QKI: variants seen among roughly 807,000 people sequenced by gnomAD.
QKI encodes QKI, KH domain containing RNA binding.
Under a neutral mutation model 39.0 loss-of-function variants are expected in QKI, and 10 were observed. The observed-to-expected ratio is 0.26, with a 90% CI of 0.16 to 0.43. The LOEUF is 0.43. Ranked by LOEUF, QKI falls within the 20% of genes least tolerant of loss-of-function variation. The pLI, the probability that QKI is intolerant of heterozygous loss-of-function variation, is 1.00. For synonymous variants in QKI, 204 were observed against 155.4 expected (o/e 1.31, Z -2.33); for missense variants, 218 against 428.0 (o/e 0.51, Z 4.33).
chr6:163,477,015 G>GTTTT (rs1421278363), intron 2 of QKI, among the ~76,000 whole-genome samples: 5 of 78,710 alleles, frequency 6.4e-5, no homozygotes, highest in Non-Finnish European at 7.0e-5. Context: ...GTTTTGTTTT[G>GTTTT]TTTTGTTTTT....
intron 1 of QKI, among the ~76,000 whole-genome samples, chr6:163,420,167 T>G (rs1787880850): frequency 1.3e-5 from 2 of 150,606 alleles, no homozygotes; most frequent in South Asian, 4.1e-4. Flanking sequence ...TTTTTTTTTT[T>G]TTTTTGGTGG....
chr6:163,437,498 C>G (rs1789404317), intron 1 of QKI, among the ~76,000 whole-genome samples: 1 of 152,106 alleles, frequency 6.6e-6, no homozygotes, highest in Admixed American at 6.5e-5. Flanking sequence ...TAAATCCACA[C>G]CCGAAATGTA....
At chr6:163,459,853 G>A (rs1472263439) in intron 2 of QKI, among the ~76,000 whole-genome samples, 1 of 152,204 alleles carries the variant, frequency 6.6e-6, no homozygotes, top group African/African-American at 2.4e-5. Context: ...AGACATGAAA[G>A]AACATTGAAG....
At chr6:163,519,426 T>C (rs901226506) in intron 3 of QKI, among the ~76,000 whole-genome samples, 6 of 151,552 alleles carry the variant, frequency 4.0e-5, no homozygotes, top group Non-Finnish European at 5.9e-5. Flanking sequence ...AAAGAGTGGG[T>C]GTGATGATAT....
intron 4 of QKI, among the ~76,000 whole-genome samples, chr6:163,545,026 T>G (rs1781781446): frequency 6.6e-6 from 1 of 152,130 alleles, no homozygotes; most frequent in Non-Finnish European, 1.5e-5. Context: ...AAAATCTCAT[T>G]TAAGTGTAGA....
At chr6:163,484,636 G>A (rs1270756878) in intron 3 of QKI, among the ~76,000 whole-genome samples, 1 of 152,148 alleles carries the variant, frequency 6.6e-6, no homozygotes, top group African/African-American at 2.4e-5. Context: ...GCCAGGCATT[G>A]ACTTCTCTCT....
At chr6:163,425,977 A>ATT (rs1343496660) in intron 1 of QKI, among the ~76,000 whole-genome samples, 2 of 152,152 alleles carry the variant, frequency 1.3e-5, no homozygotes, top group African/African-American at 4.8e-5. Context: ...TTTTGTGTTT[A>ATT]TTTTAGGTAA....
At chr6:163,466,222 T>C (rs573341182) in intron 2 of QKI, among the ~76,000 whole-genome samples, 1 of 152,080 alleles carries the variant, frequency 6.6e-6, no homozygotes, top group African/African-American at 2.4e-5. Flanking sequence ...GCCTGCTCGC[T>C]GAAAAGTATA....
intron 1 of QKI, among the ~76,000 whole-genome samples, chr6:163,415,628 A>T (rs1056136229): frequency 6.6e-6 from 1 of 151,516 alleles, no homozygotes; most frequent in Non-Finnish European, 1.5e-5. Context: ...CGGCCCCTCT[A>T]GCTTCGGCGG....
At chr6:163,463,701 A>G (rs926710551) in intron 2 of QKI, among the ~76,000 whole-genome samples, 5 of 152,230 alleles carry the variant, frequency 3.3e-5, no homozygotes, top group African/African-American at 1.2e-4. Context: ...AACAATTAGA[A>G]AAAAGATTAT....
At chr6:163,419,302 T>A (rs1356756190) in intron 1 of QKI, among the ~76,000 whole-genome samples, 1 of 126,574 alleles carries the variant, frequency 7.9e-6, no homozygotes, top group Non-Finnish European at 1.8e-5. Context: ...TTTCTTACCA[T>A]AATTTTTTTT....
chr6:163,484,539 A>G (rs1392296114), intron 3 of QKI, among the ~76,000 whole-genome samples: 1 of 152,144 alleles, frequency 6.6e-6, no homozygotes, highest in Admixed American at 6.5e-5. Context: ...TATTTTTGGA[A>G]TGGTCAATCA....
Position 163,414,897 on chromosome 6 carries a change from CA to C in QKI, c.-296del, listed in dbSNP as rs1229999908. Reference sequence around the variant, plus strand: ...CCCGCGCCCCGCGCCCGCACTCGGCCAGCCGAGACCCGCCTCCCGCCCGCCC... The same window carrying C: ...CCCGCGCCCCGCGCCCGCACTCGGCCGCCGAGACCCGCCTCCCGCCCGCCC... On this transcript the variant is annotated 5_prime_UTR_variant, in exon 1 of 8. Coordinates refer to ENST00000361752, the MANE Select transcript of QKI (RefSeq NM_006775.3). The C allele has an allele frequency of 6.8e-6, 1 of 146,460 alleles. No homozygotes were observed. Among genetic ancestry groups the C allele is most frequent in the African/African-American group, 2.5e-5 (1 of 40,652 alleles). 9.1% of individuals were successfully genotyped at this position (146,460 alleles called of 1,614,324 possible).
chr6:163,500,384 C>T (rs760337715), intron 3 of QKI, among the ~76,000 whole-genome samples: 2 of 152,148 alleles, frequency 1.3e-5, no homozygotes, highest in South Asian at 4.1e-4. Context: ...GACTGGGAAT[C>T]GTCTTCAGAT....
chr6:163,523,948 T>C (rs1780314499), intron 3 of QKI, among the ~76,000 whole-genome samples: 1 of 152,210 alleles, frequency 6.6e-6, no homozygotes, highest in African/African-American at 2.4e-5. Flanking sequence ...AAGTGGGGCT[T>C]AGGGAGAATG....
intron 2 of QKI, among the ~76,000 whole-genome samples, chr6:163,460,397 T>C (rs1197029255): frequency 6.6e-6 from 1 of 152,232 alleles, no homozygotes; most frequent in Non-Finnish European, 1.5e-5. Flanking sequence ...GCCTGGTTGC[T>C]ATAGTTAGTA....
intron 2 of QKI, among the ~76,000 whole-genome samples, chr6:163,467,800 T>A (rs1183890065): frequency 6.6e-6 from 1 of 152,236 alleles, no homozygotes; most frequent in African/African-American, 2.4e-5. Context: ...TACAATGGTC[T>A]GACTTAGGAT....
chr6:163,537,656 C>G (rs1296809741), intron 4 of QKI, among the ~76,000 whole-genome samples: 1 of 152,146 alleles, frequency 6.6e-6, no homozygotes, highest in Admixed American at 6.6e-5. Context: ...GTTCAGTATT[C>G]TGTTGGGTAG....
At chr6:163,471,257 A>G (rs1792163393) in intron 2 of QKI, among the ~76,000 whole-genome samples, 1 of 152,176 alleles carries the variant, frequency 6.6e-6, no homozygotes, top group African/African-American at 2.4e-5. Flanking sequence ...GTGCCCTTCA[A>G]AAATAAGACA....
Sources: allele counts gnomAD v4.1 joint callset (sites outside exome capture counted in the v4.1 genomes callset), GRCh38; gene constraint gnomAD v4.1.1; transcripts MANE v1.5; gene names NCBI Gene and HGNC (gene_info 2026-07-23, HGNC 2026-07-21).